The following TTK variants were observed in gnomAD, a reference collection of about 807,000 sequenced individuals.
TTK encodes TTK protein kinase, also known as dual specificity protein kinase TTK.
A neutral mutation model predicts 117.3 loss-of-function variants in TTK; 59 were observed. The observed-to-expected ratio is 0.50, with a 90% CI of 0.41 to 0.62. The LOEUF is 0.62. Ranked by LOEUF, TTK falls within the 20% of genes least tolerant of loss-of-function variation. The pLI, the probability that TTK is intolerant of heterozygous loss-of-function variation, is 0.00. For synonymous variants in TTK, 302 were observed against 325.0 expected, an observed-to-expected ratio of 0.93 and a Z score of 0.76; for missense variants, 921 against 989.4, an observed-to-expected ratio of 0.93 and a Z score of 0.93.
At position 80,035,117 on chromosome 6, in the gene TTK, G is replaced by A. The variant is rs1254190060; in HGVS notation, c.1747G>A (p.Asp583Asn). 6.4e-7 allele frequency: 1 copy of A among 1,569,792 alleles called. No homozygotes were observed. The highest frequency in any genetic ancestry group is 8.6e-7 in the Non-Finnish European group (1 of 1,164,664). Residue 583 changes from aspartate to asparagine, a missense_variant, in exon 15 of 22, where the codon GAT becomes AAT. Physicochemically the swap from Asp to Asn is conservative, Grantham distance 23. Transcript: ENST00000369798. ...TTTGAATAAACTACAACAACACAGT[G>A]ATAAGATCATCCGACTTTATGATTA... ...AYLNKLQQHS[D>N]KIIRLYDYEI...
In TTK at chr6:80,042,202, A is replaced by T. The variant is rs772671513; in HGVS notation, c.2574A>T (p.Ter858CysextTer12). Residue 858 changes from the stop codon to cysteine (C), a stop_lost, in exon 22 of 22, where the codon TGA (stop) becomes TGT (cysteine). Transcript: ENST00000369798. ...TTGAAAAAAAAAGGGGAAAAAAATG[A>T]TTTGCAGTTATTCGTAATGTCAGAT... ...KTFEKKRGKK* is the reference protein window; with the variant it reads ...KTFEKKRGKKC 1.3e-6 allele frequency: 2 copies of T among 1,591,352 alleles called. No individual in the cohort carries two copies. The highest frequency in any genetic ancestry group is 1.7e-6 in the Non-Finnish European group (2 of 1,165,504).
intron 13 of TTK, among the ~76,000 whole-genome samples, chr6:80,028,594 A>G (rs1459915205): frequency 6.6e-6 from 1 of 152,056 alleles, no homozygotes; most frequent in Admixed American, 6.6e-5. Context: ...CTGGGGTTAC[A>G]GGCATGAGCC....
At chr6:80,019,577 A>G (rs1767403379) in intron 10 of TTK, among the ~76,000 whole-genome samples, 1 of 152,198 alleles carries the variant, frequency 6.6e-6, no homozygotes, top group Non-Finnish European at 1.5e-5. Context: ...AATGTTATAC[A>G]AAGCTAGTCA....
In TTK at chr6:80,022,315, C is replaced by A. The variant is rs1767481062; in HGVS notation, c.1109-9C>A. 2 of 1,604,982 alleles carry A rather than the reference C, an allele frequency of 1.2e-6. No individual in the cohort carries two copies. Among genetic ancestry groups the A allele is most frequent in the Non-Finnish European group, 1.7e-6 (2 of 1,177,648 alleles). ...TCTTGCTTTTTAATGACAACAAATA[C>A]AATTTCAGAAACTAAAGAGTATCAA... is the stretch of plus-strand genomic sequence containing the variant. On this transcript the variant is annotated splice_polypyrimidine_tract_variant and intron_variant, in intron 10 of 21. Coordinates refer to ENST00000369798, the MANE Select transcript of TTK (RefSeq NM_003318.5).
chr6:80,022,233 C>A, intron 10 of TTK, 91 bp from the exon 11 acceptor site: 3 of 1,325,908 alleles, frequency 2.3e-6, no homozygotes, highest in East Asian at 2.3e-5. Flanking sequence ...GAACTAAATA[C>A]TCATATAGTT....
In TTK at chr6:80,012,324, A is replaced by G. The variant is rs558647245; in HGVS notation, c.896+344A>G. ...TTTGAGAGTCTCCATAACGGGTAGA[A>G]GGAGGTCTGGGAACAAATATTTGCT... On this transcript the variant is annotated intron_variant, in intron 8 of 21. Transcript: ENST00000369798. Among the ~76,000 whole-genome samples the G allele has an allele frequency of 2.0e-5, 3 of 152,128 alleles. No homozygotes were observed. The South Asian group carries it at 6.2e-4, about 32-fold the overall frequency.
In TTK at chr6:80,035,364, G is replaced by A. The variant is rs1260979404; in HGVS notation, c.1871G>A (p.Arg624His). The A allele has an allele frequency of 2.5e-6, 4 of 1,611,466 alleles. No homozygotes were observed. The highest frequency in any genetic ancestry group is 2.7e-5 in the African/African-American group (2 of 74,734). Residue 624 changes from arginine (R) to histidine (H), a missense_variant, in exon 16 of 22, where the codon CGC (arginine) becomes CAC (histidine). Transcript: ENST00000369798. ...KKKKSIDPWE[R>H]KSYWKNMLEA... ...AAAAAATCCATTGATCCATGGGAAC[G>A]CAAGAGTTACTGGAAAAATATGTTA... is the stretch of plus-strand genomic sequence containing the variant.
At chr6:80,013,182 T>A (rs947388248) in intron 8 of TTK, 97 bp from the exon 9 acceptor site, 95 of 911,338 alleles carry the variant, frequency 1.0e-4, no homozygotes, top group Non-Finnish European at 1.5e-4. Context: ...ATAAAAAGTA[T>A]GTATATTATT....
intron 18 of TTK, among the ~76,000 whole-genome samples, chr6:80,039,491 A>G (rs1008386564): frequency 2.6e-5 from 4 of 151,898 alleles, no homozygotes; most frequent in Non-Finnish European, 5.9e-5. Flanking sequence ...GGTTATAGAA[A>G]GATTTAAAGT....
At chr6:80,017,070 C>T (rs1432060031) in intron 10 of TTK, among the ~76,000 whole-genome samples, 3 of 152,178 alleles carry the variant, frequency 2.0e-5, no homozygotes, top group African/African-American at 7.2e-5. Context: ...TTACTTTTCA[C>T]CTTCTGATTT....
At chr6:80,006,908 G>A (rs1192460069) in intron 2 of TTK, among the ~76,000 whole-genome samples, 1 of 152,104 alleles carries the variant, frequency 6.6e-6, no homozygotes, top group African/African-American at 2.4e-5. Context: ...TAAAGATGTA[G>A]GCTTTGTTGA....
chr6:80,021,453 T>A (rs1018615251), intron 10 of TTK, among the ~76,000 whole-genome samples: 1 of 152,168 alleles, frequency 6.6e-6, no homozygotes, highest in Non-Finnish European at 1.5e-5. Context: ...TGTAACTGAC[T>A]CAAGTCCGGC....
intron 13 of TTK, among the ~76,000 whole-genome samples, chr6:80,029,819 C>T (rs983579150): frequency 3.9e-5 from 6 of 152,164 alleles, no homozygotes; most frequent in Admixed American, 3.9e-4. Context: ...GTGGAGGAAA[C>T]CAGAGTTCAC....
At chr6:80,010,204 T>A (rs182476281) in intron 4 of TTK, among the ~76,000 whole-genome samples, 8 of 152,126 alleles carry the variant, frequency 5.3e-5, no homozygotes, top group Non-Finnish European at 1.0e-4. Context: ...TGGTAATCTG[T>A]CCATACTCAG....
chr6:80,040,952 G>T (rs1276021031), intron 21 of TTK, among the ~76,000 whole-genome samples: 1 of 151,750 alleles, frequency 6.6e-6, no homozygotes, highest in African/African-American at 2.4e-5. Flanking sequence ...TTGCTGTCAC[G>T]TCTCAACTGG....
intron 18 of TTK, among the ~76,000 whole-genome samples, chr6:80,038,371 C>T (rs961715382): frequency 1.3e-5 from 2 of 152,112 alleles, no homozygotes; most frequent in African/African-American, 4.8e-5. Flanking sequence ...CTTTTGCCTA[C>T]CTTGATGCCT....
At chr6:80,040,735 A>C in intron 21 of TTK, 32 bp downstream of exon 21, 1 of 1,595,894 alleles carries the variant, frequency 6.3e-7, no homozygotes, top group Non-Finnish European at 8.5e-7. Flanking sequence ...ATTAATTTTT[A>C]CTGTTTTATA....
At chr6:80,037,866 A>T in intron 17 of TTK, 101 bp from the exon 18 acceptor site, 1 of 35,456 alleles carries the variant, frequency 2.8e-5, no homozygotes, top group Non-Finnish European at 4.0e-5. Flanking sequence ...AACTTAAAGT[A>T]TAATAATAAT....
In TTK at chr6:80,027,985, C is replaced by T. The variant is rs139605395; in HGVS notation, c.1495C>T (p.Leu499Phe). 62 of 1,603,678 alleles carry T rather than the reference C, an allele frequency of 3.9e-5. No homozygotes were observed. Among genetic ancestry groups the T allele is most frequent in the Non-Finnish European group, 4.7e-5 (55 of 1,174,450 alleles). Reference sequence around the variant, plus strand: ...TTTCCAGCAGCAACAGCATCAAATACTTGCCACTCCACTTCAAAATTTACA... The same window carrying T: ...TTTCCAGCAGCAACAGCATCAAATATTTGCCACTCCACTTCAAAATTTACA... ...ACFQQQQHQI[L>F]ATPLQNLQVL... The change falls in exon 13 of 22, where the codon CTT (leucine) becomes TTT (phenylalanine). Residue 499 changes from leucine (L) to phenylalanine (F), a missense_variant. By Grantham distance (22) the Leu-to-Phe change is conservative (BLOSUM62 0). Coordinates refer to ENST00000369798, the MANE Select transcript of TTK (RefSeq NM_003318.5).
Sources: allele counts gnomAD v4.1 joint callset (sites outside exome capture counted in the v4.1 genomes callset), GRCh38; gene constraint gnomAD v4.1.1; transcripts MANE v1.5; gene names NCBI Gene and HGNC (gene_info 2026-07-23, HGNC 2026-07-21).